Variants in NFIA observed in about 807,000 individuals in gnomAD.
NFIA encodes nuclear factor 1 A-type.
NFIA carries 8 observed loss-of-function variants against 62.8 expected under a neutral mutation model. The observed-to-expected ratio is 0.13, with a 90% CI of 0.07 to 0.23. NFIA has a LOEUF of 0.23. NFIA is among the 10% of genes least tolerant of loss of function. The pLI is 1.00. For synonymous variants in NFIA, 235 were observed against 238.1 expected, an observed-to-expected ratio of 0.99 and a Z score of 0.12; for missense variants, 410 against 642.1, an observed-to-expected ratio of 0.64 and a Z score of 3.91.
chr1:61,416,777 A>C (rs1666366970), intron 9 of NFIA, among the ~76,000 whole-genome samples: 1 of 152,178 alleles, frequency 6.6e-6, no homozygotes, highest in Admixed American at 6.5e-5. Flanking sequence ...CCTTTTAAAG[A>C]AGATGAAACG....
rs983977218 is a variant in NFIA, at chr1:61,456,050, C to A, written c.*730C>A. ...AATGCTGCACTTACATTTAAAAAAA[C>A]AACAACAACATTTTTTCAACAATTT... On this transcript the variant is annotated 3_prime_UTR_variant, in exon 11 of 11. Coordinates refer to ENST00000403491, the MANE Select transcript of NFIA (RefSeq NM_001134673.4). The A allele has an allele frequency of 2.6e-5, 4 of 152,284 alleles. No individual in the cohort carries two copies. The highest frequency in any genetic ancestry group is 9.7e-5 in the African/African-American group (4 of 41,328). The allele number at this position is 152,284 out of a possible 1,614,324, so 9.4% of individuals were successfully genotyped here. A position where few individuals can be genotyped will look rare whatever the true frequency, so the allele number is the denominator to read the frequency against.
At chr1:61,429,387 A>G (rs940326890) in intron 10 of NFIA, among the ~76,000 whole-genome samples, 4 of 152,188 alleles carry the variant, frequency 2.6e-5, no homozygotes, top group South Asian at 2.1e-4. Context: ...ATTTGCACCC[A>G]GTTCTGTCTG....
At chr1:61,126,025 C>G (rs939895315) in intron 2 of NFIA, among the ~76,000 whole-genome samples, 2 of 152,162 alleles carry the variant, frequency 1.3e-5, no homozygotes, top group African/African-American at 2.4e-5. Context: ...GCCATCTCAT[C>G]TGACTTATGT....
At chr1:61,334,553 GTGTATATATATATA>G in intron 4 of NFIA, among the ~76,000 whole-genome samples, 1 of 51,660 alleles carries the variant, frequency 1.9e-5, no homozygotes, top group Admixed American at 2.1e-4. Context: ...GTGTGTGTGT[GTGTATATATATATA>G]TATATATATA....
intron 3 of NFIA, among the ~76,000 whole-genome samples, chr1:61,299,491 G>A (rs968338388): frequency 5.3e-5 from 8 of 152,152 alleles, no homozygotes; most frequent in Admixed American, 6.5e-5. Flanking sequence ...TTTATGAAAA[G>A]CATTTTTGTT....
chr1:61,169,129 A>G (rs1165572336), intron 2 of NFIA, among the ~76,000 whole-genome samples: 1 of 152,162 alleles, frequency 6.6e-6, no homozygotes, highest in Non-Finnish European at 1.5e-5. Flanking sequence ...TCCCTAAAGG[A>G]AAAAAAGTCA....
intron 2 of NFIA, among the ~76,000 whole-genome samples, chr1:61,109,182 T>C (rs1646654113): frequency 6.6e-6 from 1 of 151,936 alleles, no homozygotes; most frequent in South Asian, 2.1e-4. Context: ...TCTAATCTTG[T>C]GAGCAGACTG....
chr1:61,394,561 G>A (rs1446982245), intron 7 of NFIA, among the ~76,000 whole-genome samples: 1 of 152,178 alleles, frequency 6.6e-6, no homozygotes. Flanking sequence ...GATTAACACA[G>A]GGAGTGAATG....
chr1:61,133,826 A>G (rs1647126054), intron 2 of NFIA, among the ~76,000 whole-genome samples: 2 of 151,546 alleles, frequency 1.3e-5, no homozygotes, highest in South Asian at 2.1e-4. Context: ...CCTGGGCAAC[A>G]TAGTGAGACC....
At chr1:61,210,647 A>G (rs1166792106) in intron 2 of NFIA, among the ~76,000 whole-genome samples, 1 of 152,202 alleles carries the variant, frequency 6.6e-6, no homozygotes, top group Non-Finnish European at 1.5e-5. Context: ...AAATTTATCC[A>G]TTATTGGACA....
chr1:61,178,489 T>C (rs1230248850), intron 2 of NFIA, among the ~76,000 whole-genome samples: 1 of 152,154 alleles, frequency 6.6e-6, no homozygotes, highest in Non-Finnish European at 1.5e-5. Flanking sequence ...TCCTTTCATA[T>C]AGGAGGAGCT....
intron 10 of NFIA, among the ~76,000 whole-genome samples, chr1:61,432,542 T>C (rs1667142006): frequency 6.7e-6 from 1 of 150,024 alleles, no homozygotes; most frequent in South Asian, 2.1e-4. Flanking sequence ...AGCTGGAGAG[T>C]TACAAAGACA....
chr1:61,439,284 G>A (rs1312978616), intron 10 of NFIA, among the ~76,000 whole-genome samples: 2 of 152,062 alleles, frequency 1.3e-5, no homozygotes, highest in Non-Finnish European at 2.9e-5. Context: ...TGTTACAAGA[G>A]AAGAATAGAA....
At chr1:61,162,474 T>C (rs1180643074) in intron 2 of NFIA, among the ~76,000 whole-genome samples, 1 of 152,224 alleles carries the variant, frequency 6.6e-6, no homozygotes, top group Non-Finnish European at 1.5e-5. Flanking sequence ...ACCTGGGGTC[T>C]TGAGTCTTGG....
chr1:61,229,530 T>G (rs1050482764), intron 2 of NFIA, among the ~76,000 whole-genome samples: 2 of 152,126 alleles, frequency 1.3e-5, no homozygotes, highest in Non-Finnish European at 2.9e-5. Flanking sequence ...AAATGGAATG[T>G]GAAACTAGAT....
intron 2 of NFIA, among the ~76,000 whole-genome samples, chr1:61,101,285 C>G (rs774635064): frequency 8.6e-5 from 13 of 151,680 alleles, no homozygotes; most frequent in Non-Finnish European, 1.5e-4. Context: ...ATCCCAGCTA[C>G]TCGGGAGGCC....
At chr1:61,250,807 C>T (rs1406819838) in intron 2 of NFIA, among the ~76,000 whole-genome samples, 1 of 152,132 alleles carries the variant, frequency 6.6e-6, no homozygotes, top group Non-Finnish European at 1.5e-5. Flanking sequence ...ATATCAAGGA[C>T]TTTACTACAG....
chr1:61,159,549 A>C (rs1021668866), intron 2 of NFIA, among the ~76,000 whole-genome samples: 1 of 152,068 alleles, frequency 6.6e-6, no homozygotes, highest in Non-Finnish European at 1.5e-5. Context: ...CACTTAGCTA[A>C]CTTTGTGGCT....
intron 2 of NFIA, among the ~76,000 whole-genome samples, chr1:61,150,376 T>C (rs1648312099): frequency 6.6e-6 from 1 of 152,150 alleles, no homozygotes; most frequent in Admixed American, 6.5e-5. Context: ...ACTGGGCTGG[T>C]CTTACTGTTC....
Sources: allele counts gnomAD v4.1 joint callset (sites outside exome capture counted in the v4.1 genomes callset), GRCh38; gene constraint gnomAD v4.1.1; transcripts MANE v1.5; gene names NCBI Gene and HGNC (gene_info 2026-07-23, HGNC 2026-07-21).